The following NBAS variants were observed in gnomAD, a reference collection of about 807,000 sequenced individuals.
NBAS encodes NBAS subunit of NRZ tethering complex, also known as NAG/BC035112 fusion.
A neutral mutation model predicts 302.5 loss-of-function variants in NBAS; 219 were observed. The observed-to-expected ratio is 0.72, with a 90% CI of 0.65 to 0.81. NBAS has a LOEUF of 0.81. Ranked by LOEUF, NBAS falls within the 30% of genes least tolerant of loss-of-function variation. The pLI, the probability that NBAS is intolerant of heterozygous loss-of-function variation, is 0.00. For missense variants in NBAS, 2,932 were observed against 2,841.6 expected, an observed-to-expected ratio of 1.03 and a Z score of -0.72; for synonymous variants, 1,118 against 1,021.6, an observed-to-expected ratio of 1.09 and a Z score of -1.80.
chr2:15,134,035 T>A, the NBAS span, among the ~76,000 whole-genome samples: 6 of 145,246 alleles, frequency 4.1e-5, no homozygotes, highest in Admixed American at 7.1e-5. Context: ...CTCCTTACTA[T>A]GCACATACAT....
At chr2:14,998,328 C>T in the NBAS span, among the ~76,000 whole-genome samples, 1 of 152,182 alleles carries the variant, frequency 6.6e-6, no homozygotes, top group South Asian at 2.1e-4. Flanking sequence ...TGGGACTTTG[C>T]CCAGTCTGCC....
the NBAS span, among the ~76,000 whole-genome samples, chr2:14,780,089 C>A: frequency 6.6e-6 from 1 of 152,128 alleles, no homozygotes; most frequent in Non-Finnish European, 1.5e-5. Context: ...AAGGCAACTT[C>A]CAGTTTTTTC....
At chr2:15,351,868 A>C (rs1673372648) in intron 35 of NBAS, 124 bp downstream of exon 35, 1 of 665,418 alleles carries the variant, frequency 1.5e-6, no homozygotes. Flanking sequence ...AGTGGTCTGC[A>C]TGCACACACA....
Position 15,183,711 on chromosome 2 carries a change from AGTTCTTTCT to A in NBAS, c.6711+3022_6711+3030del, listed in dbSNP as rs981289558. On this transcript the variant is annotated intron_variant, in intron 50 of 51. Coordinates refer to ENST00000281513, the MANE Select transcript of NBAS (RefSeq NM_015909.4). Reference sequence around the variant, plus strand: ...ACAGTACAGCTTCGAGCATTACTAGAGTTCTTTCTGTTCTACTATGTATGATGTTCCCTG... The same window carrying A: ...ACAGTACAGCTTCGAGCATTACTAGAGTTCTACTATGTATGATGTTCCCTG... Among the ~76,000 whole-genome samples the A allele has an allele frequency of 1.1e-4, 17 of 152,274 alleles. No individual in the cohort carries two copies. In the South Asian group the frequency reaches 2.5e-3, roughly 22 times the overall value.
chr2:14,969,374 T>TTAC, the NBAS span, among the ~76,000 whole-genome samples: 1 of 151,442 alleles, frequency 6.6e-6, no homozygotes, highest in Non-Finnish European at 1.5e-5. Flanking sequence ...CTCAAAGTTA[T>TTAC]TATTATTATT....
intron 5 of NBAS, among the ~76,000 whole-genome samples, chr2:15,552,841 G>T (rs962601482): frequency 3.4e-5 from 5 of 148,808 alleles, no homozygotes; most frequent in Non-Finnish European, 7.4e-5. Context: ...TCGCCAGGCT[G>T]GAGTGCAGTG....
chr2:15,331,689 G>A lies in NBAS; in HGVS notation c.4180-924C>T, dbSNP rs77013349. On this transcript the variant is annotated intron_variant, in intron 35 of 51. Coordinates refer to ENST00000281513, the MANE Select transcript of NBAS (RefSeq NM_015909.4). ...AAATCATGTAATCAATTAATTACCC[G>A]GGCATCATCACATAACAAATACTTA... 9.3e-4 allele frequency among the ~76,000 whole-genome samples: 141 copies of A among 152,128 alleles called. 1 individual carries two copies. The East Asian group carries it at 0.019, about 20-fold the overall frequency.
chr2:15,201,181 T>C (rs1412911873), intron 48 of NBAS, among the ~76,000 whole-genome samples: 3 of 152,218 alleles, frequency 2.0e-5, no homozygotes, highest in Non-Finnish European at 4.4e-5. Flanking sequence ...ACTCATATAA[T>C]GACACTTGAT....
At chr2:15,410,160 G>A (rs1443036609) in intron 25 of NBAS, among the ~76,000 whole-genome samples, 1 of 152,126 alleles carries the variant, frequency 6.6e-6, no homozygotes, top group Non-Finnish European at 1.5e-5. Context: ...CTTTTAAAGA[G>A]CCATGGCATT....
At chr2:14,950,140 T>C in the NBAS span, among the ~76,000 whole-genome samples, 125 of 152,272 alleles carry the variant, frequency 8.2e-4, no homozygotes, top group African/African-American at 2.9e-3. Flanking sequence ...GCACCATATA[T>C]GTTGTCTTTT....
intron 21 of NBAS, among the ~76,000 whole-genome samples, chr2:15,432,050 T>G (rs1293519860): frequency 6.6e-6 from 1 of 151,934 alleles, no homozygotes; most frequent in Non-Finnish European, 1.5e-5. Flanking sequence ...TATTAGACAT[T>G]AAGTCAATTA....
chr2:14,867,818 TA>T, the NBAS span, among the ~76,000 whole-genome samples: 3 of 152,356 alleles, frequency 2.0e-5, no homozygotes, highest in South Asian at 6.2e-4. Flanking sequence ...TGCTTACCCA[TA>T]TTTTTTTAAA....
chr2:15,134,194 A>T, the NBAS span, among the ~76,000 whole-genome samples: 1 of 152,086 alleles, frequency 6.6e-6, no homozygotes, highest in Non-Finnish European at 1.5e-5. Context: ...TAAGATGATG[A>T]GGCTGAAGCA....
At chr2:15,353,800 T>C (rs1342771968) in intron 33 of NBAS, 90 bp from the exon 34 acceptor site, 5 of 1,540,456 alleles carry the variant, frequency 3.2e-6, no homozygotes, top group African/African-American at 1.4e-5. Context: ...TGCTCAGGTC[T>C]TGTGGTACCA....
chr2:15,374,734 G>A lies in NBAS; in HGVS notation c.3591-14C>T. On this transcript the variant is annotated splice_polypyrimidine_tract_variant and intron_variant, in intron 30 of 51. Coordinates refer to ENST00000281513, the MANE Select transcript of NBAS (RefSeq NM_015909.4). ...TGTAAGCAGCACCTAGAAGAAATTA[G>A]ATAAATTTTTAAAAAGAAGCAACAT... 2 of 1,605,478 alleles carry A rather than the reference G, an allele frequency of 1.2e-6. No homozygotes were observed. Among genetic ancestry groups the A allele is most frequent in the South Asian group, 2.2e-5 (2 of 90,910 alleles).
intron 27 of NBAS, among the ~76,000 whole-genome samples, chr2:15,394,787 G>T (rs963050485): frequency 2.0e-5 from 3 of 151,946 alleles, no homozygotes; most frequent in African/African-American, 7.2e-5. Flanking sequence ...AAATCATCAG[G>T]CTCATTCTCT....
At chr2:15,385,021 A>C (rs1471108530) in intron 28 of NBAS, among the ~76,000 whole-genome samples, 4 of 152,168 alleles carry the variant, frequency 2.6e-5, no homozygotes, top group Non-Finnish European at 5.9e-5. Flanking sequence ...TTCTCCTAAA[A>C]TTTTTAATAA....
At chr2:14,961,588 C>T in the NBAS span, among the ~76,000 whole-genome samples, 1 of 152,128 alleles carries the variant, frequency 6.6e-6, no homozygotes, top group Non-Finnish European at 1.5e-5. Flanking sequence ...AAATAAAGTT[C>T]CTTTATTTAT....
In NBAS at chr2:15,329,850, A is replaced by G. The variant is rs570444267; in HGVS notation, c.4347+748T>C. Among the ~76,000 whole-genome samples the G allele has an allele frequency of 3.3e-5, 5 of 152,206 alleles. No individual in the cohort carries two copies. In the South Asian group the frequency reaches 1.0e-3, roughly 32 times the overall value. On this transcript the variant is annotated intron_variant, in intron 36 of 51. Coordinates refer to ENST00000281513, the MANE Select transcript of NBAS (RefSeq NM_015909.4). ...CTTAATCAGAACTTCCCTCCTCAGT[A>G]TTTACCCACCTTGCTTATGTTATCT... is the stretch of plus-strand genomic sequence containing the variant.
Sources: gnomAD v4.1 joint callset for allele counts (sites outside exome capture counted in the v4.1 genomes callset) on GRCh38, gnomAD v4.1.1 for gene constraint, MANE v1.5 for transcripts, NCBI Gene and HGNC (gene_info 2026-07-23, HGNC 2026-07-21) for gene names.